BPTF: variants seen among roughly 807,000 people sequenced by gnomAD.
BPTF encodes nucleosome-remodeling factor subunit BPTF.
A neutral mutation model predicts 292.5 loss-of-function variants in BPTF; 18 were observed. That is an observed-to-expected ratio of 0.06 (90% CI 0.04 to 0.09). The LOEUF (loss-of-function observed/expected upper bound fraction) is 0.09, where lower values mean the gene tolerates loss of function less well. Among genes scored for constraint, BPTF ranks in the 10% least tolerant of loss-of-function variants. BPTF has a pLI of 1.00. For missense variants in BPTF, 2,726 were observed against 3,498.7 expected (o/e 0.78, Z 5.57); for synonymous variants, 1,225 against 1,251.9 (o/e 0.98, Z 0.45).
intron 3 of BPTF, among the ~76,000 whole-genome samples, chr17:67,870,280 C>T (rs536960655): frequency 4.3e-5 from 6 of 140,046 alleles, no homozygotes; most frequent in Non-Finnish European, 7.6e-5. Context: ...TTTTTTTCGG[C>T]TAAGGTACAA....
rs1555693560 is a variant in BPTF at position 67,975,800 on chromosome 17, A to G, written c.8568A>G (p.Gln2856=). The stretch of plus-strand genomic sequence containing the variant: ...TTGCCACCATGGAAGAAAGAGTACA[A>G]AGACGATATTATGAAAAGCTGACGG... ...MDLATMEERV[Q]RRYYEKLTEF... is the part of the protein sequence containing the mutation. The change falls in exon 27 of 28, where the codon CAA becomes CAG. Residue 2856 remains glutamine (Q), a synonymous_variant. Coordinates refer to ENST00000306378, the MANE Select transcript of BPTF (RefSeq NM_182641.4). 1 of 1,613,848 alleles carries G rather than the reference A, an allele frequency of 6.2e-7. No homozygotes were observed. Among genetic ancestry groups the G allele is most frequent in the Admixed American group, 1.7e-5 (1 of 59,958 alleles).
rs8071645 is a variant in BPTF, at chr17:67,942,680, G to T, written c.6478-1470G>T. On this transcript the variant is annotated intron_variant, in intron 19 of 27. Transcript: ENST00000306378. ...CACCAGAATACATGGCATAAATATT[G>T]GTAGCAGCATTGTTCATAAGAATCA... Among the ~76,000 whole-genome samples, 41 of 152,230 alleles carry T rather than the reference G, an allele frequency of 2.7e-4. 1 individual carries two copies. The South Asian group carries it at 5.0e-3, about 18-fold the overall frequency.
Position 67,893,966 on chromosome 17 carries a change from C to A in BPTF, c.2412-68C>A, listed in dbSNP as rs749995986. ...TGGAATCAGATGGAGGCCAAAGTTA[C>A]AACTATTGTGCTTTTAATTTAAGGT... On this transcript the variant is annotated intron_variant, in intron 6 of 27. Transcript: ENST00000306378. 1.6e-5 allele frequency: 25 copies of A among 1,569,374 alleles called. No homozygotes were observed. In the Admixed American group the frequency reaches 1.8e-4, roughly 11 times the overall value.
At chr17:67,837,013 A>G (rs1166634019) in intron 1 of BPTF, among the ~76,000 whole-genome samples, 1 of 152,168 alleles carries the variant, frequency 6.6e-6, no homozygotes, top group Non-Finnish European at 1.5e-5. Flanking sequence ...TAATAGCATG[A>G]GTTGTGAATC....
intron 27 of BPTF, chr17:67,981,486 G>A (rs1377011719): frequency 2.2e-4 from 264 of 1,216,682 alleles, no homozygotes; most frequent in Non-Finnish European, 2.7e-4. Flanking sequence ...ACTGGATGTT[G>A]GGGTCACTCT....
intron 3 of BPTF, among the ~76,000 whole-genome samples, chr17:67,867,731 T>G (rs2059471402): frequency 6.6e-6 from 1 of 152,218 alleles, no homozygotes; most frequent in Admixed American, 6.5e-5. Context: ...CCTAGGTTTA[T>G]GCATTTTGGG....
intron 18 of BPTF, among the ~76,000 whole-genome samples, chr17:67,937,194 G>A (rs1023950838): frequency 3.9e-5 from 6 of 152,080 alleles, no homozygotes; most frequent in African/African-American, 7.2e-5. Context: ...GATAGCTCAC[G>A]CCTAATATAC....
intron 13 of BPTF, among the ~76,000 whole-genome samples, 153 bp downstream of exon 13, chr17:67,920,296 C>T (rs768974214): frequency 6.6e-6 from 1 of 151,976 alleles, no homozygotes; most frequent in Non-Finnish European, 1.5e-5. Context: ...AAGTAATAAA[C>T]ATATCAAGAT....
intron 8 of BPTF, 119 bp downstream of exon 8, chr17:67,904,037 T>C: frequency 2.1e-6 from 2 of 967,458 alleles, no homozygotes; most frequent in Middle Eastern, 3.5e-4. Flanking sequence ...TTTATTTATT[T>C]ATTTATTTTG....
At chr17:67,875,646 C>T in intron 4 of BPTF, 1 of 1,608,630 alleles carries the variant, frequency 6.2e-7, no homozygotes, top group Middle Eastern at 1.7e-4. Context: ...ACTAGTCCCT[C>T]TGAAGGGAGG....
chr17:67,949,116 A>G (rs969039813), intron 23 of BPTF, among the ~76,000 whole-genome samples: 1 of 152,214 alleles, frequency 6.6e-6, no homozygotes, highest in Non-Finnish European at 1.5e-5. Context: ...CCATAATCCC[A>G]ACACTTTGGG....
At chr17:67,976,420 C>A (rs1174790599) in intron 27 of BPTF, among the ~76,000 whole-genome samples, 1 of 152,162 alleles carries the variant, frequency 6.6e-6, no homozygotes, top group Non-Finnish European at 1.5e-5. Context: ...TTGCAGTGAG[C>A]CAAGATCACA....
At chr17:67,918,940 A>G in intron 12 of BPTF, 102 bp downstream of exon 12, 2 of 1,251,012 alleles carry the variant, frequency 1.6e-6, no homozygotes, top group South Asian at 2.7e-5. Flanking sequence ...TGGGAGGCTG[A>G]GGCAGGTGGA....
intron 3 of BPTF, among the ~76,000 whole-genome samples, chr17:67,869,595 A>G (rs1430778024): frequency 6.6e-6 from 1 of 152,126 alleles, no homozygotes; most frequent in Non-Finnish European, 1.5e-5. Context: ...AGCATAGTAG[A>G]ATTGTAGTTG....
At chr17:67,941,140 A>G (rs1291599026) in intron 19 of BPTF, among the ~76,000 whole-genome samples, 5 of 152,242 alleles carry the variant, frequency 3.3e-5, no homozygotes, top group Admixed American at 1.3e-4. Context: ...TGCCCTATAT[A>G]TGATAACTTG....
At chr17:67,968,561 G>A (rs1008608905) in intron 26 of BPTF, among the ~76,000 whole-genome samples, 4 of 150,950 alleles carry the variant, frequency 2.6e-5, no homozygotes, top group African/African-American at 4.9e-5. Context: ...GGTGGATCAC[G>A]AGGTCAGGAG....
chr17:67,953,151 C>T (rs1438040786), intron 23 of BPTF, among the ~76,000 whole-genome samples: 1 of 151,654 alleles, frequency 6.6e-6, no homozygotes, highest in African/African-American at 2.4e-5. Context: ...TTAGTAGAGA[C>T]GGGGTTTCAC....
At chr17:67,837,172 G>A (rs1037939897) in intron 1 of BPTF, among the ~76,000 whole-genome samples, 1 of 152,070 alleles carries the variant, frequency 6.6e-6, no homozygotes, top group African/African-American at 2.4e-5. Flanking sequence ...TGATAATATT[G>A]ATTTGCCTTA....
At position 67,874,805 on chromosome 17, in the gene BPTF, T is replaced by G. The variant is rs182255249; in HGVS notation, c.1661-12T>G. 2 of 1,583,634 alleles carry G rather than the reference T, an allele frequency of 1.3e-6. No individual in the cohort carries two copies. Among genetic ancestry groups the G allele is most frequent in the Non-Finnish European group, 1.7e-6 (2 of 1,163,754 alleles). On this transcript the variant is annotated splice_polypyrimidine_tract_variant and intron_variant, in intron 3 of 27. Transcript: ENST00000306378. ...ATAGGAATAATTTTTTTGTTTGTTT[T>G]ACACATTATAGAAGAAATTTTGGAA...
Sources: gnomAD v4.1 joint callset for allele counts (sites outside exome capture counted in the v4.1 genomes callset) on GRCh38, gnomAD v4.1.1 for gene constraint, MANE v1.5 for transcripts, NCBI Gene and HGNC (gene_info 2026-07-23, HGNC 2026-07-21) for gene names.